The following RPH3A variants were observed in gnomAD, a reference collection of about 807,000 sequenced individuals.
RPH3A encodes the protein rabphilin 3A, also known as rabphilin-3A.
In RPH3A, 48 loss-of-function variants were observed where a neutral mutation model predicts 102.2. That is an observed-to-expected ratio of 0.47 (90% CI 0.37 to 0.60). The LOEUF is 0.60. RPH3A is among the 20% of genes least tolerant of loss of function. The pLI is 0.00. For synonymous variants in RPH3A, 310 were observed against 324.3 expected (o/e 0.96, Z 0.47); for missense variants, 781 against 910.1 (o/e 0.86, Z 1.83).
At chr12:112,799,214 C>T (rs1190529221) in intron 2 of RPH3A, among the ~76,000 whole-genome samples, 1 of 152,112 alleles carries the variant, frequency 6.6e-6, no homozygotes, top group Non-Finnish European at 1.5e-5. Flanking sequence ...TGTGAGACTC[C>T]TGTCTCTATA....
chr12:112,676,694 A>G (rs1191724225), intron 1 of RPH3A, among the ~76,000 whole-genome samples: 1 of 152,180 alleles, frequency 6.6e-6, no homozygotes, highest in African/African-American at 2.4e-5. Flanking sequence ...TAAATTATTC[A>G]GGTACTCTAA....
chr12:112,816,807 T>G (rs934383094), intron 2 of RPH3A, among the ~76,000 whole-genome samples: 12 of 152,216 alleles, frequency 7.9e-5, no homozygotes, highest in Non-Finnish European at 1.8e-4. Flanking sequence ...TTCATTCCAG[T>G]GCAGAAACTG....
At chr12:112,648,617 T>G (rs116098457) in intron 1 of RPH3A, among the ~76,000 whole-genome samples, 1 of 116,082 alleles carries the variant, frequency 8.6e-6, no homozygotes, top group Admixed American at 1.1e-4. Flanking sequence ...TTGTGGCACA[T>G]GTCTGTAGTC....
chr12:112,610,373 G>A (rs1293249870), intron 1 of RPH3A, among the ~76,000 whole-genome samples: 2 of 151,788 alleles, frequency 1.3e-5, no homozygotes, highest in Non-Finnish European at 2.9e-5. Flanking sequence ...CGTGGTGGTA[G>A]GCGCCTGTAA....
intron 2 of RPH3A, among the ~76,000 whole-genome samples, chr12:112,798,102 A>G (rs2041270435): frequency 6.6e-6 from 1 of 152,344 alleles, no homozygotes; most frequent in African/African-American, 2.4e-5. Context: ...GTTTCCTCGA[A>G]GTAATTGTCT....
At chr12:112,648,598 A>AAAAAAAAAAAAAAAAAAAAAAAC (rs2039950923) in intron 1 of RPH3A, among the ~76,000 whole-genome samples, 1 of 141,922 alleles carries the variant, frequency 7.0e-6, no homozygotes, top group African/African-American at 2.6e-5. Context: ...AAAAAAAAAA[A>AAAAAAAAAAAAAAAAAAAAAAAC]GCTAGGTGTT....
At chr12:112,805,124 A>T (rs979113801) in intron 2 of RPH3A, among the ~76,000 whole-genome samples, 9 of 152,194 alleles carry the variant, frequency 5.9e-5, no homozygotes, top group African/African-American at 1.4e-4. Flanking sequence ...AAACATTGCA[A>T]TGTATGGTAG....
intron 1 of RPH3A, among the ~76,000 whole-genome samples, chr12:112,584,756 C>A (rs1360504533): frequency 6.6e-6 from 1 of 152,158 alleles, no homozygotes; most frequent in Non-Finnish European, 1.5e-5. Context: ...AAACTGAGGA[C>A]GCCTAGGGGA....
chr12:112,644,333 C>T (rs1233577967), intron 1 of RPH3A, among the ~76,000 whole-genome samples: 2 of 152,252 alleles, frequency 1.3e-5, no homozygotes, highest in African/African-American at 4.8e-5. Context: ...CCTGTTTGCA[C>T]TGTGGGTGAT....
At chr12:112,838,141 G>A (rs2042084890) in intron 4 of RPH3A, among the ~76,000 whole-genome samples, 1 of 152,238 alleles carries the variant, frequency 6.6e-6, no homozygotes, top group African/African-American at 2.4e-5. Context: ...TCAGACCTGA[G>A]GGTGATGATG....
intron 1 of RPH3A, among the ~76,000 whole-genome samples, chr12:112,682,773 T>C (rs1439122556): frequency 6.6e-6 from 1 of 152,206 alleles, no homozygotes; most frequent in Non-Finnish European, 1.5e-5. Flanking sequence ...CCAGGAACAA[T>C]GGAATGCTTT....
chr12:112,807,914 C>T (rs1340297509), intron 2 of RPH3A, among the ~76,000 whole-genome samples: 6 of 152,154 alleles, frequency 3.9e-5, no homozygotes, highest in Non-Finnish European at 7.3e-5. Flanking sequence ...TTTACTTTGT[C>T]CATCATCTAT....
At chr12:112,856,800 G>A (rs73427095) in intron 5 of RPH3A, among the ~76,000 whole-genome samples, 1,701 of 152,200 alleles carry the variant, frequency 0.011, 33 homozygotes, top group African/African-American at 0.036. Flanking sequence ...ACCATGTTCC[G>A]GGCATTTTAC....
chr12:112,627,350 ATATAT>A (rs2039774317), intron 1 of RPH3A, among the ~76,000 whole-genome samples: 1 of 149,186 alleles, frequency 6.7e-6, no homozygotes, highest in East Asian at 1.9e-4. Context: ...ATTATGTACT[ATATAT>A]TATATGTAAC....
At chr12:112,607,988 C>A (rs1204295121) in intron 1 of RPH3A, among the ~76,000 whole-genome samples, 1 of 152,168 alleles carries the variant, frequency 6.6e-6, no homozygotes, top group Non-Finnish European at 1.5e-5. Flanking sequence ...TCTTAACTTT[C>A]CTGGAAAGCC....
intron 1 of RPH3A, among the ~76,000 whole-genome samples, chr12:112,669,798 T>C (rs2040114279): frequency 6.6e-6 from 1 of 152,218 alleles, no homozygotes; most frequent in Admixed American, 6.5e-5. Context: ...GGTCTACTCA[T>C]TCTTTCTTTT....
Position 112,841,173 on chromosome 12 carries a change from T to TAAAAAAAAAAAAA in RPH3A, c.83+4680_83+4692dup, listed in dbSNP as rs11447068. Among the ~76,000 whole-genome samples the TAAAAAAAAAAAAA allele has an allele frequency of 1.5e-4, 5 of 33,352 alleles. 1 individual carries two copies. Among genetic ancestry groups the TAAAAAAAAAAAAA allele is most frequent in the Admixed American group, 3.7e-4 (1 of 2,732 alleles). The allele number at this position is 33,352 out of a possible 152,430, so 21.9% of individuals were successfully genotyped here. ...GGCAACATAACAAGACCTTGTTTCT[T>TAAAAAAAAAAAAA]AAAAAAAAAAAAAAAAAAAAAGCCT... is the stretch of plus-strand genomic sequence containing the variant. On this transcript the variant is annotated intron_variant, in intron 4 of 21. Coordinates refer to ENST00000389385, the MANE Select transcript of RPH3A (RefSeq NM_001143854.2).
intron 1 of RPH3A, among the ~76,000 whole-genome samples, chr12:112,621,479 C>A (rs1351186405): frequency 4.1e-5 from 6 of 147,624 alleles, no homozygotes; most frequent in Non-Finnish European, 7.4e-5. Context: ...CACTCCCACC[C>A]GAATATTGCG....
At chr12:112,646,090 G>A (rs2039927937) in intron 1 of RPH3A, among the ~76,000 whole-genome samples, 1 of 152,170 alleles carries the variant, frequency 6.6e-6, no homozygotes, top group South Asian at 2.1e-4. Context: ...AGTTGCAGGT[G>A]CCATGTGCTA....
Sources: allele counts gnomAD v4.1 joint callset (sites outside exome capture counted in the v4.1 genomes callset), GRCh38; gene constraint gnomAD v4.1.1; transcripts MANE v1.5; gene names NCBI Gene and HGNC (gene_info 2026-07-23, HGNC 2026-07-21).